Variants in SLCO5A1 observed in about 807,000 individuals in gnomAD.
The protein encoded by SLCO5A1 is solute carrier organic anion transporter family member 5A1.
A neutral mutation model predicts 65.1 loss-of-function variants in SLCO5A1; 39 were observed. The ratio of observed to expected loss-of-function variants is 0.60; its 90% CI spans 0.46 to 0.78. SLCO5A1 has a LOEUF of 0.78. Ranked by LOEUF, SLCO5A1 falls within the 30% of genes least tolerant of loss-of-function variation. The probability of loss-of-function intolerance (pLI) is 0.00; values close to 1 mark genes in which losing one functional copy is unlikely to be tolerated. For synonymous variants in SLCO5A1, 438 were observed against 415.7 expected, an observed-to-expected ratio of 1.05 and a Z score of -0.65; for missense variants, 1,029 against 1,069.4, an observed-to-expected ratio of 0.96 and a Z score of 0.53.
chr8:69,737,011 C>A (rs958916132), intron 5 of SLCO5A1, among the ~76,000 whole-genome samples: 4 of 152,022 alleles, frequency 2.6e-5, no homozygotes, highest in African/African-American at 9.7e-5. Context: ...TTTTTGCAAC[C>A]AAGATCAAGA....
chr8:69,692,444 C>G (rs569989218), intron 6 of SLCO5A1, among the ~76,000 whole-genome samples: 2 of 152,250 alleles, frequency 1.3e-5, no homozygotes, highest in East Asian at 1.9e-4. Context: ...TACGCTAAAT[C>G]CATTAAAAAC....
intron 6 of SLCO5A1, among the ~76,000 whole-genome samples, chr8:69,683,476 CT>C (rs1364991745): frequency 6.6e-6 from 1 of 152,048 alleles, no homozygotes; most frequent in Non-Finnish European, 1.5e-5. Flanking sequence ...GAAGTTTGGG[CT>C]TTTAGTGAAC....
At chr8:69,818,137 TAAG>T (rs2077316104) in intron 2 of SLCO5A1, among the ~76,000 whole-genome samples, 1 of 152,268 alleles carries the variant, frequency 6.6e-6, no homozygotes, top group African/African-American at 2.4e-5. Flanking sequence ...TGTGAAATTC[TAAG>T]AAGTAGCCAC....
chr8:69,817,506 T>C (rs1377633866), intron 2 of SLCO5A1, among the ~76,000 whole-genome samples: 2 of 152,240 alleles, frequency 1.3e-5, no homozygotes, highest in Non-Finnish European at 2.9e-5. Flanking sequence ...TATACCAGAA[T>C]TGGGATTGTT....
Position 69,667,996 on chromosome 8 carries a change from G to A in SLCO5A1, c.*4873C>T, listed in dbSNP as rs757773225. The A allele has an allele frequency of 3.9e-5, 6 of 152,220 alleles. No homozygotes were observed. Among genetic ancestry groups the A allele is most frequent in the Admixed American group, 6.5e-5 (1 of 15,284 alleles). 9.4% of individuals were successfully genotyped at this position (152,220 alleles called of 1,614,324 possible). A position where few individuals can be genotyped will look rare whatever the true frequency, so the allele number is the denominator to read the frequency against. ...AGTGAAATACTGTGAATTCAGTGGCGCTTTTTAGTGGTGAACATGCGTCAT... is the reference window on the plus strand; with the variant it reads ...AGTGAAATACTGTGAATTCAGTGGCACTTTTTAGTGGTGAACATGCGTCAT... On this transcript the variant is annotated 3_prime_UTR_variant, in exon 10 of 10. Coordinates refer to ENST00000260126, the MANE Select transcript of SLCO5A1 (RefSeq NM_030958.3).
At chr8:69,812,626 T>C (rs756385170) in intron 2 of SLCO5A1, among the ~76,000 whole-genome samples, 7 of 152,190 alleles carry the variant, frequency 4.6e-5, no homozygotes, top group Non-Finnish European at 8.8e-5. Flanking sequence ...GGAAAGAAAG[T>C]GTGTACAGAG....
intron 5 of SLCO5A1, among the ~76,000 whole-genome samples, chr8:69,731,061 A>C (rs572684510): frequency 2.8e-4 from 42 of 152,014 alleles, no homozygotes; most frequent in African/African-American, 1.0e-3. Flanking sequence ...GCAGTAGCAC[A>C]ATCTCGGCTC....
chr8:69,702,903 G>A (rs1323534740), intron 6 of SLCO5A1, among the ~76,000 whole-genome samples: 2 of 152,064 alleles, frequency 1.3e-5, no homozygotes, highest in African/African-American at 4.8e-5. Flanking sequence ...GAGCTCAGGA[G>A]TTTGAGACCA....
intron 2 of SLCO5A1, among the ~76,000 whole-genome samples, chr8:69,789,724 G>A (rs1819189199): frequency 6.6e-6 from 1 of 152,210 alleles, no homozygotes; most frequent in South Asian, 2.1e-4. Context: ...TGAGATGATA[G>A]ATATGTTAAT....
intron 2 of SLCO5A1, among the ~76,000 whole-genome samples, chr8:69,825,248 A>T (rs1187865517): frequency 4.6e-5 from 7 of 152,172 alleles, no homozygotes; most frequent in Admixed American, 6.5e-5. Context: ...CACCACTCCT[A>T]TTCAACATAG....
At chr8:69,733,010 C>G (rs1404949504) in intron 5 of SLCO5A1, among the ~76,000 whole-genome samples, 1 of 151,698 alleles carries the variant, frequency 6.6e-6, no homozygotes, top group African/African-American at 2.4e-5. Flanking sequence ...CCCTTTTTTT[C>G]TCATCTAGAA....
intron 2 of SLCO5A1, among the ~76,000 whole-genome samples, chr8:69,763,228 G>A (rs1376319834): frequency 6.6e-6 from 1 of 151,972 alleles, no homozygotes; most frequent in East Asian, 1.9e-4. Flanking sequence ...AGAATCGCTT[G>A]AACCTGGGAG....
intron 2 of SLCO5A1, among the ~76,000 whole-genome samples, chr8:69,787,629 G>A (rs1365408327): frequency 6.6e-6 from 1 of 152,164 alleles, no homozygotes; most frequent in Non-Finnish European, 1.5e-5. Context: ...TGCAACAAAC[G>A]AACAAGTATT....
intron 2 of SLCO5A1, among the ~76,000 whole-genome samples, chr8:69,805,561 T>C (rs1819957177): frequency 6.6e-6 from 1 of 152,230 alleles, no homozygotes; most frequent in Non-Finnish European, 1.5e-5. Context: ...CAATGAATTA[T>C]GGTGGGAGAA....
At position 69,706,945 on chromosome 8, in the gene SLCO5A1, C is replaced by T. The variant is rs146574017; in HGVS notation, c.1424-1716G>A. ...GGCGGATCAGTTGAGGTCAGGAGTT[C>T]GAGACCAGCCTGGCTAAAATGGCAA... On this transcript the variant is annotated intron_variant, in intron 5 of 9. Transcript: ENST00000260126. Among the ~76,000 whole-genome samples, 192 of 152,178 alleles carry T rather than the reference C, an allele frequency of 1.3e-3. 1 individual carries two copies. Among genetic ancestry groups the T allele is most frequent in the African/African-American group, 4.4e-3 (183 of 41,502 alleles).
chr8:69,754,326 C>T (rs888073571), intron 4 of SLCO5A1, among the ~76,000 whole-genome samples: 2 of 152,172 alleles, frequency 1.3e-5, no homozygotes, highest in African/African-American at 4.8e-5. Context: ...TGAAATAGCA[C>T]TTCATTTGCT....
chr8:69,832,368 G>C lies in SLCO5A1; in HGVS notation c.306C>G (p.Ser102Arg). 6.2e-7 allele frequency: 1 copy of C among 1,613,926 alleles called. No individual in the cohort carries two copies. The highest frequency in any genetic ancestry group is 8.5e-7 in the Non-Finnish European group (1 of 1,179,888). ...AGGCGGAGGACACCGAGAAGGTTTT[G>C]CTGAGGTCCACCCTGTGGTTACAGT... ...LGDCNHRVDL[S>R]KTFSVSSALA... The change falls in exon 2 of 10, where the codon AGC (serine) becomes AGG (arginine). Residue 102 changes from serine (S) to arginine (R), a missense_variant. Physicochemically the swap from Ser to Arg is moderately radical, Grantham distance 110. Around this residue, in one of 3 missense-constraint regions of SLCO5A1, gnomAD observed 647 missense variants for 647.5 expected, o/e 1.00. Transcript: ENST00000260126. This position sits in a 1 kb window ranked among gnomAD's most constrained non-coding sequence, Gnocchi z 4.5.
chr8:69,668,527 A>G lies in SLCO5A1; in HGVS notation c.*4342T>C, dbSNP rs995495685. The G allele has an allele frequency of 1.1e-4, 16 of 152,228 alleles. No homozygotes were observed. Among genetic ancestry groups the G allele is most frequent in the African/African-American group, 3.9e-4 (16 of 41,446 alleles). The allele number at this position is 152,228 out of a possible 1,614,324, so 9.4% of individuals were successfully genotyped here. ...ATGTTTTAAGTACATACACGATCAC[A>G]AAATATAATTGGCTACCACCCGAGG... On this transcript the variant is annotated 3_prime_UTR_variant, in exon 10 of 10. Coordinates refer to ENST00000260126, the MANE Select transcript of SLCO5A1 (RefSeq NM_030958.3).
chr8:69,779,042 C>T (rs1818694672), intron 2 of SLCO5A1, among the ~76,000 whole-genome samples: 1 of 152,148 alleles, frequency 6.6e-6, no homozygotes, highest in Admixed American at 6.5e-5. Flanking sequence ...TGGCTACTTA[C>T]ACCAAAATGG....
Sources: allele counts gnomAD v4.1 joint callset (sites outside exome capture counted in the v4.1 genomes callset), GRCh38; gene constraint gnomAD v4.1.1; regional missense constraint gnomAD v4.1.1; non-coding constraint Gnocchi (gnomAD v3.1); transcripts MANE v1.5; gene names NCBI Gene and HGNC (gene_info 2026-07-23, HGNC 2026-07-21).